The following SPAG1 variants were observed in gnomAD, a reference collection of about 807,000 sequenced individuals.
SPAG1 encodes sperm associated antigen 1, also known as sperm-associated antigen 1.
A neutral mutation model predicts 100.5 loss-of-function variants in SPAG1; 69 were observed. That is an observed-to-expected ratio of 0.69 (90% CI 0.57 to 0.84). The LOEUF is 0.84. Among genes scored for constraint, SPAG1 ranks in the 40% least tolerant of loss-of-function variants. The pLI is 0.00. For missense variants in SPAG1, 955 were observed against 1,133.1 expected (o/e 0.84, Z 2.26); for synonymous variants, 336 against 411.6 (o/e 0.82, Z 2.22).
chr8:100,206,029 A>G (rs1478089847), intron 10 of SPAG1, among the ~76,000 whole-genome samples: 1 of 49,786 alleles, frequency 2.0e-5, no homozygotes, highest in East Asian at 1.5e-3. Flanking sequence ...AAAAAAAAAA[A>G]AAAAAAAAAA....
chr8:100,166,086 A>C, intron 3 of SPAG1, 113 bp downstream of exon 3: 2 of 920,770 alleles, frequency 2.2e-6, no homozygotes, highest in Non-Finnish European at 3.2e-6. Flanking sequence ...TTTTAGTGTC[A>C]ATTAGGCAGG....
At chr8:100,216,495 G>A (rs558850913) in intron 12 of SPAG1, among the ~76,000 whole-genome samples, 1 of 152,174 alleles carries the variant, frequency 6.6e-6, no homozygotes, top group African/African-American at 2.4e-5. Flanking sequence ...TGGTGTCCAG[G>A]GTGGCTAGAG....
intron 10 of SPAG1, among the ~76,000 whole-genome samples, chr8:100,205,543 C>T (rs1251499409): frequency 6.6e-6 from 1 of 152,168 alleles, no homozygotes; most frequent in East Asian, 1.9e-4. Context: ...ACATACTTAG[C>T]AGCTGGCAGA....
rs191542327 is a variant in SPAG1 at position 100,185,076 on chromosome 8, G to C, written c.701+343G>C. 589 of 216,656 alleles carry C rather than the reference G, an allele frequency of 2.7e-3. 2 individuals carry two copies. Among genetic ancestry groups the C allele is most frequent in the Non-Finnish European group, 4.1e-3 (459 of 111,114 alleles). 13.4% of individuals were successfully genotyped at this position (216,656 alleles called of 1,614,324 possible). ...CTGGATTTACTTCTAGTACTTTGGT[G>C]CTCCTTCCTACCACAGGGCCTTTGC... On this transcript the variant is annotated intron_variant, in intron 7 of 18. Coordinates refer to ENST00000388798, the MANE Select transcript of SPAG1 (RefSeq NM_003114.5).
chr8:100,171,582 A>T (rs959254604), intron 3 of SPAG1, among the ~76,000 whole-genome samples: 1 of 151,870 alleles, frequency 6.6e-6, no homozygotes, highest in Non-Finnish European at 1.5e-5. Flanking sequence ...CCTTTCTGAT[A>T]TTTTTTTCCC....
At chr8:100,181,459 T>G (rs181807432) in intron 4 of SPAG1, among the ~76,000 whole-genome samples, 109 of 152,342 alleles carry the variant, frequency 7.2e-4, no homozygotes, top group Admixed American at 4.6e-3. Flanking sequence ...GTGATACCAC[T>G]TGTATTAGTT....
intron 2 of SPAG1, among the ~76,000 whole-genome samples, chr8:100,164,831 A>G (rs187688750): frequency 2.0e-5 from 3 of 152,356 alleles, no homozygotes; most frequent in Non-Finnish European, 4.4e-5. Flanking sequence ...ACCAGATGCT[A>G]TCAAGCAAAT....
chr8:100,178,422 A>G (rs888772724), intron 4 of SPAG1, among the ~76,000 whole-genome samples: 8 of 151,250 alleles, frequency 5.3e-5, no homozygotes, highest in Admixed American at 4.0e-4. Context: ...TCTTATTCCC[A>G]TTTCTCTGTC....
At chr8:100,191,033 A>G (rs1386204820) in intron 8 of SPAG1, among the ~76,000 whole-genome samples, 3 of 152,176 alleles carry the variant, frequency 2.0e-5, no homozygotes, top group African/African-American at 4.8e-5. Context: ...TACTCGCCAT[A>G]ATTATAAAAA....
At chr8:100,221,020 C>T (rs1818251431) in intron 13 of SPAG1, among the ~76,000 whole-genome samples, 1 of 151,938 alleles carries the variant, frequency 6.6e-6, no homozygotes, top group Non-Finnish European at 1.5e-5. Context: ...TTGCGGTGAG[C>T]TGAGATCATA....
intron 16 of SPAG1, among the ~76,000 whole-genome samples, chr8:100,234,369 T>A (rs1818910063): frequency 6.8e-6 from 1 of 146,588 alleles, no homozygotes; most frequent in Non-Finnish European, 1.5e-5. Context: ...TAAAAAAAAA[T>A]AACATTTTCA....
Position 100,225,274 on chromosome 8 carries a change from C to A in SPAG1, c.1790C>A (p.Pro597Gln). 1 of 1,613,890 alleles carries A rather than the reference C, an allele frequency of 6.2e-7. No homozygotes were observed. Among genetic ancestry groups the A allele is most frequent in the Non-Finnish European group, 8.5e-7 (1 of 1,179,994 alleles). Residue 597 changes from proline (P) to glutamine (Q), a missense_variant, in exon 14 of 19, where the codon CCG becomes CAG. Physicochemically the swap from Pro to Gln is moderately conservative, Grantham distance 76. Transcript: ENST00000388798. ...PASVPLQAWH[P>Q]AKEMISKQAG... ...TCTGTGCCACTGCAAGCTTGGCATCCGGCAAAAGAGATGATCTCAAAACAA... is the reference window on the plus strand; with the variant it reads ...TCTGTGCCACTGCAAGCTTGGCATCAGGCAAAAGAGATGATCTCAAAACAA...
At chr8:100,220,241 TCAAAACAAATGG>T in intron 12 of SPAG1, 26 bp from the exon 13 acceptor site, 1 of 1,576,566 alleles carries the variant, frequency 6.3e-7, no homozygotes. Context: ...AGAGCATTTT[TCAAAACAAATGG>T]TATGTAATAT....
At chr8:100,222,093 G>A (rs1054323576) in intron 13 of SPAG1, among the ~76,000 whole-genome samples, 4 of 152,160 alleles carry the variant, frequency 2.6e-5, no homozygotes, top group African/African-American at 2.4e-5. Context: ...GCCACCCCAC[G>A]GTGCGCCATC....
intron 14 of SPAG1, among the ~76,000 whole-genome samples, chr8:100,227,937 C>T (rs1246338251): frequency 6.6e-6 from 1 of 150,620 alleles, no homozygotes; most frequent in African/African-American, 2.5e-5. Flanking sequence ...GCCTCGACCT[C>T]CTGGGTTCAG....
intron 10 of SPAG1, among the ~76,000 whole-genome samples, chr8:100,207,564 G>A (rs374140528): frequency 6.6e-6 from 1 of 152,182 alleles, no homozygotes; most frequent in Non-Finnish European, 1.5e-5. Flanking sequence ...GCACCTGGTG[G>A]TACACTTTGC....
chr8:100,234,479 G>A (rs1001604107), intron 16 of SPAG1, among the ~76,000 whole-genome samples: 1 of 152,148 alleles, frequency 6.6e-6, no homozygotes, highest in African/African-American at 2.4e-5. Context: ...CTATAGATTA[G>A]TTTTGATTGT....
rs868627461 is a variant in SPAG1, at chr8:100,223,595, A to T, written c.1689-1578A>T. Among the ~76,000 whole-genome samples, 561 of 144,506 alleles carry T rather than the reference A, an allele frequency of 3.9e-3. 3 individuals carry two copies. The highest frequency in any genetic ancestry group is 8.5e-3 in the African/African-American group (332 of 39,226). 94.8% of individuals were successfully genotyped at this position (144,506 alleles called of 152,430 possible). A position where few individuals can be genotyped will look rare whatever the true frequency, so the allele number is the denominator to read the frequency against. On this transcript the variant is annotated intron_variant, in intron 13 of 18. Coordinates refer to ENST00000388798, the MANE Select transcript of SPAG1 (RefSeq NM_003114.5). ...ACAGCAGAAGCTTTTTTTTTTTTTT[A>T]AATTTAAACATCTGTATTTATTTTG...
chr8:100,210,907 A>C (rs988495348), intron 10 of SPAG1, among the ~76,000 whole-genome samples: 2 of 151,092 alleles, frequency 1.3e-5, no homozygotes, highest in Non-Finnish European at 2.9e-5. Context: ...GGCTCACTGC[A>C]ACCTCCACCT....
Sources: allele counts gnomAD v4.1 joint callset (sites outside exome capture counted in the v4.1 genomes callset), GRCh38; gene constraint gnomAD v4.1.1; transcripts MANE v1.5; gene names NCBI Gene and HGNC (gene_info 2026-07-23, HGNC 2026-07-21).